RMDN1: variants seen among roughly 807,000 people sequenced by gnomAD.
RMDN1 encodes the protein regulator of microtubule dynamics 1.
In RMDN1, 48 loss-of-function variants were observed where a neutral mutation model predicts 48.9. The observed-to-expected ratio is 0.98, with a 90% CI of 0.78 to 1.25. RMDN1 has a LOEUF of 1.25. Ranked by LOEUF, RMDN1 falls within the 50% of genes most tolerant of loss-of-function variation. The pLI, the probability that RMDN1 is intolerant of heterozygous loss-of-function variation, is 0.00. For missense variants in RMDN1, 418 were observed against 373.4 expected (o/e 1.12, Z -0.98); for synonymous variants, 148 against 132.6 (o/e 1.12, Z -0.80).
chr8:86,474,469 C>T (rs1178129645), intron 9 of RMDN1, 111 bp from the exon 10 acceptor site: 2 of 854,510 alleles, frequency 2.3e-6, no homozygotes, highest in Non-Finnish European at 3.9e-6. Flanking sequence ...CCAGATAGGA[C>T]ATTATAACAA....
intron 2 of RMDN1, among the ~76,000 whole-genome samples, chr8:86,501,927 A>G (rs1234518177): frequency 2.0e-5 from 3 of 152,090 alleles, no homozygotes; most frequent in African/African-American, 7.2e-5. Flanking sequence ...ATTTAAAAAA[A>G]AAAAAAAAGA....
At chr8:86,480,386 G>A (rs940313973) in intron 5 of RMDN1, 54 bp from the exon 6 acceptor site, 2 of 978,216 alleles carry the variant, frequency 2.0e-6, no homozygotes, top group Non-Finnish European at 3.0e-6. Context: ...ACCAATAAGT[G>A]CTTTACTGTG....
At chr8:86,502,950 A>T (rs1330355797) in intron 2 of RMDN1, among the ~76,000 whole-genome samples, 2 of 152,260 alleles carry the variant, frequency 1.3e-5, no homozygotes, top group Non-Finnish European at 2.9e-5. Context: ...TCACTGAGGC[A>T]GCTCTAATTT....
rs376844148 is a variant in RMDN1, at chr8:86,486,499, A to G, written c.480T>C (p.Ser160=). ...AKRALEKNES[S]FASHKWYAIC... is the part of the protein sequence containing the mutation. ...AGCAACTCACCTTATGAGATGCAAAACTTGATTCATTTTTTTCTAGTGCTC... is the reference window on the plus strand; with the variant it reads ...AGCAACTCACCTTATGAGATGCAAAGCTTGATTCATTTTTTTCTAGTGCTC... The change falls in exon 4 of 10, where the codon AGT becomes AGC. Residue 160 remains serine, a synonymous_variant. Transcript: ENST00000406452. The G allele has an allele frequency of 4.4e-6, 7 of 1,598,270 alleles. No individual in the cohort carries two copies. Among genetic ancestry groups the G allele is most frequent in the South Asian group, 1.1e-5 (1 of 88,226 alleles).
intron 2 of RMDN1, among the ~76,000 whole-genome samples, chr8:86,489,840 A>G (rs987731769): frequency 1.6e-3 from 232 of 141,946 alleles, no homozygotes; most frequent in South Asian, 3.9e-3. Flanking sequence ...AAAAAAAAAA[A>G]GGGGGGGGAT....
intron 2 of RMDN1, among the ~76,000 whole-genome samples, chr8:86,496,607 T>C (rs1380033209): frequency 6.6e-6 from 1 of 152,194 alleles, no homozygotes; most frequent in Non-Finnish European, 1.5e-5. Flanking sequence ...CCTAAATATA[T>C]ATACAATTAG....
intron 5 of RMDN1, 134 bp from the exon 6 acceptor site, chr8:86,480,466 C>T: frequency 2.0e-6 from 1 of 501,116 alleles, no homozygotes; most frequent in Admixed American, 3.6e-5. Flanking sequence ...ATAATATCAA[C>T]TTTCTTCCTC....
upstream of RMDN1, chr8:86,508,768 G>GC: frequency 1.5e-6 from 2 of 1,370,910 alleles, no homozygotes; most frequent in Non-Finnish European, 1.9e-6. Flanking sequence ...CACCTCTTCC[G>GC]CCCCCATGGT....
intron 2 of RMDN1, among the ~76,000 whole-genome samples, chr8:86,502,488 C>T (rs934460174): frequency 2.0e-5 from 3 of 150,878 alleles, no homozygotes; most frequent in Non-Finnish European, 4.5e-5. Flanking sequence ...TCAAGTGATC[C>T]TCCCACCTCA....
chr8:86,501,222 C>T (rs531998639), intron 2 of RMDN1, among the ~76,000 whole-genome samples: 79 of 152,140 alleles, frequency 5.2e-4, no homozygotes, highest in Middle Eastern at 3.4e-3. Context: ...AAAAAATAAA[C>T]AAGAAAAAAA....
At chr8:86,501,063 G>A (rs2131180945) in intron 2 of RMDN1, among the ~76,000 whole-genome samples, 1 of 152,282 alleles carries the variant, frequency 6.6e-6, no homozygotes, top group East Asian at 1.9e-4. Flanking sequence ...GAGGGCAGGA[G>A]GTAGGCGAGT....
At chr8:86,472,207 T>A (rs754517309), downstream of RMDN1, 2 of 584,666 alleles carry the variant, frequency 3.4e-6, no homozygotes, top group African/African-American at 3.7e-5. Flanking sequence ...CACACATGTA[T>A]AAATACAGGT....
At chr8:86,484,090 C>T (rs1161083980) in intron 5 of RMDN1, among the ~76,000 whole-genome samples, 1 of 152,146 alleles carries the variant, frequency 6.6e-6, no homozygotes, top group Non-Finnish European at 1.5e-5. Context: ...GCTCCCCTCC[C>T]ACAGAAACTG....
chr8:86,474,127 A>C lies in RMDN1; in HGVS notation c.*181T>G. ...ATGGAGATTTATTTCTACCACTCTT[A>C]TGGCGATTATTTATTTTACCCTATT... On this transcript the variant is annotated 3_prime_UTR_variant, in exon 10 of 10. Transcript: ENST00000406452. The C allele has an allele frequency of 2.2e-6, 3 of 1,348,350 alleles. No individual in the cohort carries two copies. The highest frequency in any genetic ancestry group is 2.9e-6 in the Non-Finnish European group (3 of 1,051,802). The allele number at this position is 1,348,350 out of a possible 1,614,324, so 83.5% of individuals were successfully genotyped here.
chr8:86,470,104 T>C, downstream of RMDN1: 1 of 1,199,524 alleles, frequency 8.3e-7, no homozygotes. Flanking sequence ...ACGGCCATTT[T>C]CCAAAATCAG....
At chr8:86,478,363 C>T (rs559643167) in intron 7 of RMDN1, 2 of 152,112 alleles carry the variant, frequency 1.3e-5, no homozygotes, top group Admixed American at 6.5e-5. Flanking sequence ...ACAGCTTTTT[C>T]GATTGCCTGT....
At chr8:86,480,574 A>C (rs1814215609) in intron 5 of RMDN1, among the ~76,000 whole-genome samples, 1 of 152,132 alleles carries the variant, frequency 6.6e-6, no homozygotes, top group Non-Finnish European at 1.5e-5. Flanking sequence ...GTGTCTATCA[A>C]GATGAGAAAA....
Position 86,482,104 on chromosome 8 carries a change from G to C in RMDN1, c.586-1772C>G, listed in dbSNP as rs1382390776. ...AGCTGCTCCTCTGGACCTCGATCTT[G>C]AAAGGAGGCTCTGTAGGCCAGGCAC... On this transcript the variant is annotated intron_variant, in intron 5 of 9. Transcript: ENST00000406452. The C allele has an allele frequency of 6.9e-6, 4 of 578,498 alleles. No homozygotes were observed. In the African/African-American group the frequency reaches 7.6e-5, roughly 11 times the overall value. The allele number at this position is 578,498 out of a possible 1,614,324, so 35.8% of individuals were successfully genotyped here. A position where few individuals can be genotyped will look rare whatever the true frequency, so the allele number is the denominator to read the frequency against.
At chr8:86,510,250 A>G (rs1819975425), upstream of RMDN1, among the ~76,000 whole-genome samples, 1 of 152,224 alleles carries the variant, frequency 6.6e-6, no homozygotes, top group African/African-American at 2.4e-5. Flanking sequence ...TAGAAACAAG[A>G]CATTCCCTTA....
Sources: gnomAD v4.1 joint callset for allele counts (sites outside exome capture counted in the v4.1 genomes callset) on GRCh38, gnomAD v4.1.1 for gene constraint, MANE v1.5 for transcripts, NCBI Gene and HGNC (gene_info 2026-07-23, HGNC 2026-07-21) for gene names.